The following SLC9A9 variants were observed in gnomAD, a reference collection of about 807,000 sequenced individuals.
SLC9A9 encodes solute carrier family 9 member A9.
SLC9A9 carries 62 observed loss-of-function variants against 77.8 expected under a neutral mutation model. The observed-to-expected ratio is 0.80, with a 90% CI of 0.65 to 0.98. The LOEUF (loss-of-function observed/expected upper bound fraction) is 0.98, where lower values mean the gene tolerates loss of function less well. Ranked by LOEUF, SLC9A9 falls within the 50% of genes least tolerant of loss-of-function variation. The pLI is 0.00. For synonymous variants in SLC9A9, 320 were observed against 283.5 expected (o/e 1.13, Z -1.29); for missense variants, 775 against 774.9 (o/e 1.00, Z 0.00).
chr3:143,636,107 T>C (rs964266389), intron 6 of SLC9A9, among the ~76,000 whole-genome samples: 2 of 152,212 alleles, frequency 1.3e-5, no homozygotes, highest in African/African-American at 4.8e-5. Context: ...TGTGGGAGAA[T>C]TGGCTTTTGA....
At chr3:143,799,909 C>T (rs2008502893) in intron 2 of SLC9A9, among the ~76,000 whole-genome samples, 1 of 152,196 alleles carries the variant, frequency 6.6e-6, no homozygotes, top group Non-Finnish European at 1.5e-5. Flanking sequence ...GGCCTGTTTC[C>T]TTTGCCTCCA....
At position 143,332,967 on chromosome 3, in the gene SLC9A9, C is replaced by T. The variant is rs2031820042; in HGVS notation, c.1604+30517G>A. Among the ~76,000 whole-genome samples, 4 of 152,214 alleles carry T rather than the reference C, an allele frequency of 2.6e-5. No homozygotes were observed. In the South Asian group the frequency reaches 6.2e-4, roughly 24 times the overall value. ...AGATAAGGTAACAAAGTGTCAGAGACTTTAAGTAACTTGCTTAATGTCATA... is the reference window on the plus strand; with the variant it reads ...AGATAAGGTAACAAAGTGTCAGAGATTTTAAGTAACTTGCTTAATGTCATA... On this transcript the variant is annotated intron_variant, in intron 14 of 15. Coordinates refer to ENST00000316549, the MANE Select transcript of SLC9A9 (RefSeq NM_173653.4).
At chr3:143,518,688 T>C (rs973157449) in intron 9 of SLC9A9, among the ~76,000 whole-genome samples, 7 of 152,250 alleles carry the variant, frequency 4.6e-5, no homozygotes, top group African/African-American at 1.2e-4. Flanking sequence ...TTCTTGAAAT[T>C]CACCCACATG....
At chr3:143,703,253 C>G (rs778697010) in intron 4 of SLC9A9, among the ~76,000 whole-genome samples, 9 of 152,012 alleles carry the variant, frequency 5.9e-5, no homozygotes, top group Non-Finnish European at 1.0e-4. Context: ...CATCCAATGG[C>G]TAAAGAATAC....
chr3:143,812,020 G>A (rs1045615069), intron 2 of SLC9A9, among the ~76,000 whole-genome samples: 2 of 152,170 alleles, frequency 1.3e-5, no homozygotes, highest in African/African-American at 2.4e-5. Context: ...AAGGAATAGA[G>A]GGGAAGGTAA....
intron 14 of SLC9A9, among the ~76,000 whole-genome samples, chr3:143,282,950 A>G (rs1938268639): frequency 6.6e-6 from 1 of 152,230 alleles, no homozygotes; most frequent in South Asian, 2.1e-4. Flanking sequence ...TGACAAACAC[A>G]GGAATTTCTT....
At chr3:143,743,315 T>C (rs1310013393) in intron 4 of SLC9A9, among the ~76,000 whole-genome samples, 1 of 151,650 alleles carries the variant, frequency 6.6e-6, no homozygotes, top group Non-Finnish European at 1.5e-5. Context: ...AGATGATAGA[T>C]AGATGAGAGG....
chr3:143,460,102 A>T (rs2035163822), intron 12 of SLC9A9, among the ~76,000 whole-genome samples: 1 of 152,188 alleles, frequency 6.6e-6, no homozygotes, highest in African/African-American at 2.4e-5. Context: ...TTTCTCTTGT[A>T]GCTTTCTCTC....
At chr3:143,306,430 A>C (rs929273495) in intron 14 of SLC9A9, among the ~76,000 whole-genome samples, 1 of 152,222 alleles carries the variant, frequency 6.6e-6, no homozygotes, top group Non-Finnish European at 1.5e-5. Flanking sequence ...AACTGCTGGG[A>C]GAATTAAATG....
intron 11 of SLC9A9, among the ~76,000 whole-genome samples, chr3:143,492,315 A>G (rs966457362): frequency 1.3e-5 from 2 of 149,198 alleles, no homozygotes; most frequent in African/African-American, 4.9e-5. Context: ...AAAAAAAATC[A>G]CCTACCACTC....
chr3:143,468,183 C>T (rs2035317775), intron 11 of SLC9A9, among the ~76,000 whole-genome samples: 1 of 152,138 alleles, frequency 6.6e-6, no homozygotes, highest in Admixed American at 6.5e-5. Flanking sequence ...GAGATATATG[C>T]CCAGGAGTAC....
intron 14 of SLC9A9, among the ~76,000 whole-genome samples, chr3:143,305,640 C>A (rs899245630): frequency 1.3e-5 from 2 of 152,186 alleles, no homozygotes; most frequent in Admixed American, 6.5e-5. Context: ...TATGAAAACA[C>A]AAATACTATC....
intron 6 of SLC9A9, among the ~76,000 whole-genome samples, chr3:143,645,276 C>T (rs1042503798): frequency 1.1e-4 from 16 of 152,178 alleles, no homozygotes; most frequent in East Asian, 1.9e-4. Flanking sequence ...TTCAAGATGA[C>T]GTTACCAAGA....
chr3:143,608,593 T>C (rs1559991325), intron 6 of SLC9A9, among the ~76,000 whole-genome samples: 1 of 152,228 alleles, frequency 6.6e-6, no homozygotes, highest in Non-Finnish European at 1.5e-5. Context: ...TTTAATATCC[T>C]GTGGAAGGAC....
chr3:143,754,496 A>C (rs1225108797), intron 4 of SLC9A9, among the ~76,000 whole-genome samples: 1 of 152,188 alleles, frequency 6.6e-6, no homozygotes, highest in East Asian at 1.9e-4. Context: ...TATGAAAAGC[A>C]TCTGCAGACA....
chr3:143,818,478 T>A (rs553786255), intron 2 of SLC9A9, among the ~76,000 whole-genome samples: 96 of 152,206 alleles, frequency 6.3e-4, no homozygotes, highest in African/African-American at 2.3e-3. Context: ...AGCTGATTTT[T>A]GTATTTTCAG....
At chr3:143,568,382 C>G (rs1379968065) in intron 8 of SLC9A9, among the ~76,000 whole-genome samples, 2 of 152,098 alleles carry the variant, frequency 1.3e-5, no homozygotes, top group African/African-American at 4.8e-5. Context: ...GATGCTATTA[C>G]CAGTGGAAGT....
intron 6 of SLC9A9, among the ~76,000 whole-genome samples, chr3:143,598,925 T>C (rs1007033611): frequency 6.6e-6 from 1 of 152,236 alleles, no homozygotes; most frequent in Non-Finnish European, 1.5e-5. Context: ...CAGGAATCTT[T>C]TGTTTGTTTC....
At chr3:143,375,692 C>T (rs951652563) in intron 13 of SLC9A9, among the ~76,000 whole-genome samples, 6 of 152,164 alleles carry the variant, frequency 3.9e-5, no homozygotes, top group African/African-American at 1.4e-4. Flanking sequence ...TTGTAGCTGA[C>T]CCTAGATATA....
Sources: gnomAD v4.1 joint callset for allele counts (sites outside exome capture counted in the v4.1 genomes callset) on GRCh38, gnomAD v4.1.1 for gene constraint, MANE v1.5 for transcripts, NCBI Gene and HGNC (gene_info 2026-07-23, HGNC 2026-07-21) for gene names.